EPM2A: variants seen among roughly 807,000 people sequenced by gnomAD.
The protein encoded by EPM2A is laforin.
A neutral mutation model predicts 26.5 loss-of-function variants in EPM2A; 21 were observed. The ratio of observed to expected loss-of-function variants is 0.79; its 90% confidence interval spans 0.56 to 1.14. EPM2A has a LOEUF of 1.14. EPM2A is among the 50% of genes most tolerant of loss of function. The pLI is 0.00. For missense variants in EPM2A, 458 were observed against 440.8 expected, an observed-to-expected ratio of 1.04 and a Z score of -0.35; for synonymous variants, 217 against 177.6, an observed-to-expected ratio of 1.22 and a Z score of -1.76.
At chr6:145,660,891 G>C (rs1778653493) in intron 2 of EPM2A, among the ~76,000 whole-genome samples, 1 of 152,138 alleles carries the variant, frequency 6.6e-6, no homozygotes, top group Non-Finnish European at 1.5e-5. Flanking sequence ...ATTTAGAACA[G>C]ACAGTACAAA....
At chr6:145,420,992 T>C (rs1191058132) in intron 4 of EPM2A, among the ~76,000 whole-genome samples, 1 of 152,068 alleles carries the variant, frequency 6.6e-6, no homozygotes, top group Admixed American at 6.6e-5. Flanking sequence ...CTCTTAAAGA[T>C]CCCACCTCTC....
chr6:145,512,994 G>A (rs867488176), intron 2 of EPM2A, among the ~76,000 whole-genome samples: 42 of 151,968 alleles, frequency 2.8e-4, no homozygotes, highest in Admixed American at 5.9e-4. Flanking sequence ...TCTGGACATC[G>A]GCCCAAGCAA....
chr6:145,469,013 T>A (rs1373621818), intron 4 of EPM2A, among the ~76,000 whole-genome samples: 1 of 152,100 alleles, frequency 6.6e-6, no homozygotes, highest in Non-Finnish European at 1.5e-5. Context: ...TCCATTTTCA[T>A]ACAGCTATAA....
At chr6:145,604,879 C>A (rs1781461741) in intron 2 of EPM2A, among the ~76,000 whole-genome samples, 2 of 152,116 alleles carry the variant, frequency 1.3e-5, no homozygotes, top group Non-Finnish European at 2.9e-5. Flanking sequence ...TTACCTCTAG[C>A]TATTTCCAAT....
At chr6:145,592,282 T>A (rs1425278940) in intron 2 of EPM2A, among the ~76,000 whole-genome samples, 1 of 151,268 alleles carries the variant, frequency 6.6e-6, no homozygotes, top group Admixed American at 6.6e-5. Flanking sequence ...GTCCTTGCCA[T>A]AGTCTGCTCA....
intron 2 of EPM2A, among the ~76,000 whole-genome samples, chr6:145,655,635 G>A (rs539835876): frequency 5.3e-5 from 8 of 152,270 alleles, no homozygotes; most frequent in Admixed American, 4.6e-4. Flanking sequence ...GGTACCTGAA[G>A]AGGATGTTGC....
chr6:145,667,155 T>C (rs1296003720), intron 2 of EPM2A, among the ~76,000 whole-genome samples: 153 of 105,364 alleles, frequency 1.5e-3, no homozygotes, highest in Non-Finnish European at 2.0e-3. Context: ...AAAGCCAAAA[T>C]TGACAAATGG....
intron 2 of EPM2A, among the ~76,000 whole-genome samples, chr6:145,667,179 T>C (rs1201408229): frequency 1.2e-4 from 11 of 94,044 alleles, no homozygotes. Context: ...CTAATTAAAC[T>C]AAAGAGCTTC....
At chr6:145,691,199 A>G (rs531809702) in intron 1 of EPM2A, among the ~76,000 whole-genome samples, 167 of 152,294 alleles carry the variant, frequency 1.1e-3, no homozygotes, top group African/African-American at 3.8e-3. Context: ...ATCAATACCG[A>G]GACATGACAT....
intron 4 of EPM2A, among the ~76,000 whole-genome samples, chr6:145,419,903 C>T (rs1778760156): frequency 1.3e-5 from 2 of 151,884 alleles, no homozygotes; most frequent in Admixed American, 1.3e-4. Flanking sequence ...ATGAAACAAA[C>T]ATTGAATAGT....
intron 4 of EPM2A, among the ~76,000 whole-genome samples, chr6:145,430,715 T>C (rs556270726): frequency 5.3e-5 from 8 of 152,242 alleles, no homozygotes; most frequent in African/African-American, 1.9e-4. Flanking sequence ...CTGTCTGATA[T>C]CTGAGATTAG....
intron 4 of EPM2A, among the ~76,000 whole-genome samples, chr6:145,466,673 G>C (rs1779398576): frequency 1.3e-5 from 2 of 152,064 alleles, no homozygotes; most frequent in Admixed American, 1.3e-4. Context: ...AAATCATGCT[G>C]CTATAAAGAC....
intron 4 of EPM2A, among the ~76,000 whole-genome samples, chr6:145,495,044 C>G (rs396492): frequency 0.53 from 80,428 of 151,960 alleles, 21,908 homozygotes; most frequent in African/African-American, 0.66. Flanking sequence ...GAATATCTTT[C>G]TTAATATTCT....
chr6:145,665,895 C>A (rs1482195589), intron 2 of EPM2A, among the ~76,000 whole-genome samples: 1 of 150,900 alleles, frequency 6.6e-6, no homozygotes, highest in South Asian at 2.1e-4. Context: ...AGCATATAAA[C>A]AAAGCCAAAG....
At chr6:145,481,217 T>G (rs1779608456) in intron 4 of EPM2A, among the ~76,000 whole-genome samples, 1 of 152,168 alleles carries the variant, frequency 6.6e-6, no homozygotes, top group African/African-American at 2.4e-5. Flanking sequence ...ATCCTTTGGA[T>G]AGTGGAGAAG....
chr6:145,684,187 GA>G (rs1361123077), intron 2 of EPM2A, among the ~76,000 whole-genome samples: 5 of 151,806 alleles, frequency 3.3e-5, no homozygotes, highest in African/African-American at 7.3e-5. Flanking sequence ...AGTTGAATTG[GA>G]AAAAAAGAAG....
At chr6:145,679,999 C>T (rs1000071777) in intron 2 of EPM2A, 14 of 152,090 alleles carry the variant, frequency 9.2e-5, no homozygotes, top group African/African-American at 2.2e-4. Context: ...GCTAGATATT[C>T]ATATTTCAAG....
chr6:145,391,523 C>T (rs939834828), intron 4 of EPM2A, among the ~76,000 whole-genome samples: 2 of 152,136 alleles, frequency 1.3e-5, no homozygotes, highest in African/African-American at 2.4e-5. Context: ...TGCCTGCCCC[C>T]CCTTTGTAAA....
intron 2 of EPM2A, among the ~76,000 whole-genome samples, chr6:145,597,107 G>A (rs1281045004): frequency 6.6e-6 from 1 of 151,022 alleles, no homozygotes; most frequent in Non-Finnish European, 1.5e-5. Context: ...TGTTAGCCAG[G>A]ATGGTCTCGA....
Sources: allele counts gnomAD v4.1 joint callset (sites outside exome capture counted in the v4.1 genomes callset), GRCh38; gene constraint gnomAD v4.1.1; transcripts MANE v1.5; gene names NCBI Gene and HGNC (gene_info 2026-07-23, HGNC 2026-07-21).